The following RYR2 variants were observed in gnomAD, a reference collection of about 807,000 sequenced individuals.
RYR2 encodes cardiac muscle ryanodine receptor-calcium release channel.
Under a neutral mutation model 601.1 loss-of-function variants are expected in RYR2, and 227 were observed. That is an observed-to-expected ratio of 0.38 (90% CI 0.34 to 0.42). The LOEUF (loss-of-function observed/expected upper bound fraction) is 0.42, where lower values mean the gene tolerates loss of function less well. Among genes scored for constraint, RYR2 ranks in the 10% least tolerant of loss-of-function variants. The pLI, the probability that RYR2 is intolerant of heterozygous loss-of-function variation, is 1.00. For synonymous variants in RYR2, 2,223 were observed against 2,175.1 expected (o/e 1.02, Z -0.61); for missense variants, 4,646 against 6,156.5 (o/e 0.75, Z 8.21).
intron 29 of RYR2, among the ~76,000 whole-genome samples, chr1:237,569,685 A>T (rs1320376796): frequency 6.6e-6 from 1 of 152,212 alleles, no homozygotes; most frequent in Non-Finnish European, 1.5e-5. Context: ...AAGTGAAATG[A>T]GGACCCACAA....
intron 25 of RYR2, among the ~76,000 whole-genome samples, chr1:237,531,187 C>T (rs533792998): frequency 5.3e-5 from 8 of 152,138 alleles, no homozygotes; most frequent in African/African-American, 1.7e-4. Flanking sequence ...AAAATATATT[C>T]GAGGATTAAT....
intron 1 of RYR2, among the ~76,000 whole-genome samples, chr1:237,261,377 T>TA (rs1250657876): frequency 6.6e-6 from 1 of 152,168 alleles, no homozygotes; most frequent in African/African-American, 2.4e-5. Context: ...AGGCTTTCCA[T>TA]GGTCTGGGCC....
intron 1 of RYR2, among the ~76,000 whole-genome samples, chr1:237,146,435 A>G (rs1407565492): frequency 6.6e-6 from 1 of 152,212 alleles, no homozygotes; most frequent in East Asian, 1.9e-4. Flanking sequence ...TGCAGTTCCA[A>G]GAATCACTGA....
chr1:237,665,297 G>A (rs1684209995), intron 56 of RYR2, among the ~76,000 whole-genome samples: 1 of 151,578 alleles, frequency 6.6e-6, no homozygotes, highest in African/African-American at 2.4e-5. Flanking sequence ...TACTCGGGAG[G>A]CTGAGGCAGG....
intron 1 of RYR2, among the ~76,000 whole-genome samples, chr1:237,127,661 T>C (rs1671645427): frequency 6.9e-6 from 1 of 144,456 alleles, no homozygotes; most frequent in South Asian, 2.3e-4. Flanking sequence ...TCTCCTCACT[T>C]CTCAGACGGG....
intron 2 of RYR2, among the ~76,000 whole-genome samples, chr1:237,306,611 A>G (rs6694999): frequency 0.054 from 8,221 of 152,218 alleles, 444 homozygotes; most frequent in African/African-American, 0.14. Context: ...TGTGATAAAC[A>G]TCTTTCTCCT....
chr1:237,315,130 A>T (rs778597541), intron 2 of RYR2, among the ~76,000 whole-genome samples: 2 of 152,144 alleles, frequency 1.3e-5, no homozygotes, highest in African/African-American at 2.4e-5. Context: ...AATGAATAAG[A>T]TGAGTACATG....
rs914664792 is a variant in RYR2, at chr1:237,687,376, T to TC, written c.9018-79_9018-78insC. ...TTCTTTTTTCTTCTTCTTTTTTTTT[T>TC]TTTTTTTTAATTTCCCCCTGTCTTT... On this transcript the variant is annotated intron_variant, in intron 62 of 104. Transcript: ENST00000366574. The TC allele has an allele frequency of 1.8e-5, 12 of 652,034 alleles. No homozygotes were observed. The African/African-American group carries it at 2.1e-4, about 11-fold the overall frequency. 40.4% of individuals were successfully genotyped at this position (652,034 alleles called of 1,614,324 possible).
At chr1:237,052,197 C>T (rs1661363492) in intron 1 of RYR2, among the ~76,000 whole-genome samples, 1 of 152,114 alleles carries the variant, frequency 6.6e-6, no homozygotes, top group African/African-American at 2.4e-5. Context: ...CCATAGTTCC[C>T]GTAGAGTTCA....
intron 1 of RYR2, among the ~76,000 whole-genome samples, chr1:237,186,618 TC>T (rs1390092726): frequency 1.3e-5 from 2 of 152,324 alleles, no homozygotes; most frequent in East Asian, 3.9e-4. Flanking sequence ...TTCTGGGCGT[TC>T]CTTCTAATGG....
At position 237,614,835 on chromosome 1, in the gene RYR2, A is replaced by C; in HGVS notation, c.5707A>C (p.Lys1903Gln). 1 of 1,566,368 alleles carries C rather than the reference A, an allele frequency of 6.4e-7. No homozygotes were observed. Among genetic ancestry groups the C allele is most frequent in the Non-Finnish European group, 8.6e-7 (1 of 1,158,798 alleles). The change falls in exon 37 of 105, where the codon AAA becomes CAA. Residue 1903 changes from lysine to glutamine, a missense_variant. By Grantham distance (53) the Lys-to-Gln change is moderately conservative. Transcript: ENST00000366574. This position sits in a 1 kb window ranked among gnomAD's most constrained non-coding sequence, Gnocchi z 4.3. Reference sequence around the variant, plus strand: ...CCAAATGAAACTGCCAGAGCCAGTTAAATTGCAGGTAATCAGAACAAGAGA... The same window carrying C: ...CCAAATGAAACTGCCAGAGCCAGTTCAATTGCAGGTAATCAGAACAAGAGA... ...LLQMKLPEPV[K>Q]LQMCLLLQYL...
intron 56 of RYR2, among the ~76,000 whole-genome samples, chr1:237,665,360 C>G (rs1684217365): frequency 6.9e-6 from 1 of 144,244 alleles, no homozygotes; most frequent in Non-Finnish European, 1.5e-5. Flanking sequence ...GATCGTGCCA[C>G]TGCACTCCAG....
In RYR2 at chr1:237,778,677, T is replaced by G; in HGVS notation, c.11787T>G (p.Thr3929=). 1 of 1,597,870 alleles carries G rather than the reference T, an allele frequency of 6.3e-7. No individual in the cohort carries two copies. The highest frequency in any genetic ancestry group is 1.1e-5 in the South Asian group (1 of 90,030). The change falls in exon 88 of 105, where the codon ACT becomes ACG. Residue 3929 remains threonine (T), a synonymous_variant. Transcript: ENST00000366574. ...TGTTTATGCTCCAGGGTCCTTGCACTGGGAATCAACAGAGTTTGGCACACA... is the reference window on the plus strand; with the variant it reads ...TGTTTATGCTCCAGGGTCCTTGCACGGGGAATCAACAGAGTTTGGCACACA... The part of the protein sequence containing the change: ...TLTEYIQGPC[T]GNQQSLAHSR...
chr1:237,200,825 C>T (rs1039852194), intron 1 of RYR2, among the ~76,000 whole-genome samples: 1 of 152,106 alleles, frequency 6.6e-6, no homozygotes, highest in East Asian at 1.9e-4. Context: ...TTTAAAGGAA[C>T]CTCAAATTTT....
chr1:237,818,935 T>A (rs183059786), intron 100 of RYR2, 101 bp from the exon 101 acceptor site: 5 of 1,054,306 alleles, frequency 4.7e-6, no homozygotes, highest in Non-Finnish European at 6.8e-6. Flanking sequence ...AAATTCTCAT[T>A]TCCAGAGTGA....
At chr1:237,058,825 G>A (rs1662495868) in intron 1 of RYR2, among the ~76,000 whole-genome samples, 1 of 151,878 alleles carries the variant, frequency 6.6e-6, no homozygotes, top group Admixed American at 6.6e-5. Context: ...GGGGTGTTCA[G>A]TAACAATCAG....
At chr1:237,125,801 T>C (rs1407517847) in intron 1 of RYR2, among the ~76,000 whole-genome samples, 2 of 152,242 alleles carry the variant, frequency 1.3e-5, no homozygotes, top group South Asian at 2.1e-4. Flanking sequence ...TTGTTACTTA[T>C]AAATGAAAAT....
chr1:237,664,260 T>A (rs968998442), intron 56 of RYR2, among the ~76,000 whole-genome samples: 23 of 152,230 alleles, frequency 1.5e-4, no homozygotes, highest in African/African-American at 5.5e-4. Context: ...GAATGGTGCA[T>A]TCATTCCTTC....
intron 42 of RYR2, among the ~76,000 whole-genome samples, chr1:237,631,835 A>T (rs148211318): frequency 3.4e-5 from 5 of 149,162 alleles, no homozygotes; most frequent in Admixed American, 1.3e-4. Context: ...TCACTGTGTT[A>T]GCCAGGATGG....
Sources: gnomAD v4.1 joint callset for allele counts (sites outside exome capture counted in the v4.1 genomes callset) on GRCh38, gnomAD v4.1.1 for gene constraint, Gnocchi (gnomAD v3.1) non-coding constraint, MANE v1.5 for transcripts, NCBI Gene and HGNC (gene_info 2026-07-23, HGNC 2026-07-21) for gene names.